ASXL1: variants seen among roughly 807,000 people sequenced by gnomAD.
ASXL1 encodes polycomb group protein ASXL1.
A neutral mutation model predicts 89.1 loss-of-function variants in ASXL1; 65 were observed. The observed-to-expected ratio is 0.73, with a 90% CI of 0.60 to 0.90. ASXL1 has a LOEUF of 0.90. ASXL1 is among the 40% of genes least tolerant of loss of function. ASXL1 has a pLI of 0.00. For synonymous variants in ASXL1, 739 were observed against 746.9 expected (o/e 0.99, Z 0.17); for missense variants, 1,786 against 1,942.9 (o/e 0.92, Z 1.52).
intron 4 of ASXL1, among the ~76,000 whole-genome samples, chr20:32,383,421 C>T (rs940250786): frequency 6.6e-5 from 10 of 152,130 alleles, no homozygotes; most frequent in African/African-American, 2.2e-4. Context: ...ATTCTCCTGC[C>T]TCAGCCTCCT....
At chr20:32,421,000 A>C (rs1281712096) in intron 4 of ASXL1, among the ~76,000 whole-genome samples, 1 of 151,234 alleles carries the variant, frequency 6.6e-6, no homozygotes, top group Admixed American at 6.6e-5. Flanking sequence ...GTTCTCACTC[A>C]TAAATGGGAG....
intron 4 of ASXL1, among the ~76,000 whole-genome samples, chr20:32,391,205 T>C (rs1962348784): frequency 6.6e-6 from 1 of 152,160 alleles, no homozygotes; most frequent in Admixed American, 6.6e-5. Context: ...TTTATTTCTG[T>C]ATATTGCAGG....
chr20:32,433,953 C>G (rs760154136), intron 12 of ASXL1, 36 bp downstream of exon 12: 5 of 1,610,296 alleles, frequency 3.1e-6, no homozygotes, highest in African/African-American at 1.3e-5. Flanking sequence ...GCCCTGGAGC[C>G]AGGTTTTCTT....
intron 1 of ASXL1, chr20:32,359,437 C>G (rs1432554025): frequency 1.4e-6 from 1 of 701,246 alleles, no homozygotes; most frequent in Non-Finnish European, 2.6e-6. Context: ...GTTAGGAACG[C>G]TACTCCTAGG....
intron 4 of ASXL1, among the ~76,000 whole-genome samples, chr20:32,423,432 T>G (rs906885802): frequency 6.6e-6 from 1 of 151,164 alleles, no homozygotes; most frequent in Non-Finnish European, 1.5e-5. Flanking sequence ...GTAGGGGGGG[T>G]TTCATCATGT....
intron 4 of ASXL1, among the ~76,000 whole-genome samples, chr20:32,407,163 G>A (rs191894222): frequency 6.6e-6 from 1 of 152,182 alleles, no homozygotes; most frequent in African/African-American, 2.4e-5. Context: ...TCAACATGGT[G>A]AAACCCCATC....
In ASXL1 at chr20:32,432,869, T is replaced by C. The variant is rs1388841204; in HGVS notation, c.980-11T>C. On this transcript the variant is annotated splice_polypyrimidine_tract_variant and intron_variant, in intron 10 of 12. Transcript: ENST00000375687. ...GAATGCACTTACTAGAAGAGGTTTA[T>C]TTCTCCCTAGGTGAATTTACTCATG... The C allele has an allele frequency of 8.7e-6, 14 of 1,613,496 alleles. No individual in the cohort carries two copies. The highest frequency in any genetic ancestry group is 1.2e-5 in the Non-Finnish European group (14 of 1,179,876).
At chr20:32,367,668 T>TA in intron 2 of ASXL1, 59 bp from the exon 3 acceptor site, 1 of 779,966 alleles carries the variant, frequency 1.3e-6, no homozygotes, top group South Asian at 1.3e-5. Flanking sequence ...TTTTTGTTTT[T>TA]ATGGGCTATT....
At chr20:32,388,055 C>G (rs1193390117) in intron 4 of ASXL1, among the ~76,000 whole-genome samples, 1 of 152,224 alleles carries the variant, frequency 6.6e-6, no homozygotes, top group African/African-American at 2.4e-5. Context: ...TTTTATCACT[C>G]TCTCTGCCAC....
intron 4 of ASXL1, chr20:32,427,768 A>G (rs1041057255): frequency 8.4e-6 from 3 of 355,228 alleles, no homozygotes; most frequent in South Asian, 4.4e-5. Context: ...ATGTTCACCT[A>G]TGTACTGTAC....
chr20:32,415,614 C>T (rs943807976), intron 4 of ASXL1, among the ~76,000 whole-genome samples: 2 of 152,168 alleles, frequency 1.3e-5, no homozygotes, highest in East Asian at 1.9e-4. Context: ...CTGCGTGCTC[C>T]GGGCTTTTGA....
rs1600525633 is a variant in ASXL1, at chr20:32,399,745, C to CTATTTTTTTT, written c.253-28382_253-28381insATTTTTTTTT. On this transcript the variant is annotated intron_variant, in intron 4 of 12. Coordinates refer to ENST00000375687, the MANE Select transcript of ASXL1 (RefSeq NM_015338.6). The stretch of plus-strand genomic sequence containing the variant: ...ATTTTTAAAAATCTCACATATTTTA[C>CTATTTTTTTT]TCTTTTTTTTTTTTTTTTTTTTTTT... Among the ~76,000 whole-genome samples, 20 of 66,584 alleles carry CTATTTTTTTT rather than the reference C, an allele frequency of 3.0e-4. 2 individuals carry two copies. The highest frequency in any genetic ancestry group is 1.7e-3 in the East Asian group (3 of 1,774). 43.7% of individuals were successfully genotyped at this position (66,584 alleles called of 152,430 possible). A position where few individuals can be genotyped will look rare whatever the true frequency, so the allele number is the denominator to read the frequency against.
chr20:32,417,629 C>T (rs1340686925), intron 4 of ASXL1, among the ~76,000 whole-genome samples: 2 of 152,086 alleles, frequency 1.3e-5, no homozygotes, highest in African/African-American at 4.8e-5. Context: ...ATTAAAACAT[C>T]ATTAATGGAC....
intron 4 of ASXL1, among the ~76,000 whole-genome samples, chr20:32,411,215 C>CTTTTTTTTTTTTT: frequency 1.9e-5 from 1 of 53,394 alleles, no homozygotes; most frequent in Non-Finnish European, 3.2e-5. Context: ...TTTATGGATT[C>CTTTTTTTTTTTTT]TTTTTTTTTT....
Position 32,436,291 on chromosome 20 carries a change from C to T in ASXL1, c.3579C>T (p.Ala1193=), listed in dbSNP as rs2145383946. The T allele has an allele frequency of 1.2e-6, 2 of 1,614,204 alleles. No individual in the cohort carries two copies. Among genetic ancestry groups the T allele is most frequent in the Non-Finnish European group, 1.7e-6 (2 of 1,180,032 alleles). The change falls in exon 13 of 13, where the codon GCC becomes GCT. Residue 1193 remains alanine (A), a synonymous_variant. Transcript: ENST00000375687. ...GCACTGGTCTTGCCAGGATTGAGGC[C>T]ACCCAGGCTCCTGGAGCACCCCAAA... ...ETGTGLARIE[A]TQAPGAPQKN... is the part of the protein sequence containing the mutation.
In ASXL1 at chr20:32,367,641, G is replaced by A. The variant is rs2048228713; in HGVS notation, c.141-86G>A. Reference sequence around the variant, plus strand: ...GACTTGTACTTATCCACTGTGTAGTGTTATAATTGTGCTTTATTTTTGTTT... The same window carrying A: ...GACTTGTACTTATCCACTGTGTAGTATTATAATTGTGCTTTATTTTTGTTT... On this transcript the variant is annotated intron_variant, in intron 2 of 12. Coordinates refer to ENST00000375687, the MANE Select transcript of ASXL1 (RefSeq NM_015338.6). 7 of 775,972 alleles carry A rather than the reference G, an allele frequency of 9.0e-6. No homozygotes were observed. The East Asian group carries it at 1.5e-4, about 16-fold the overall frequency. The allele number at this position is 775,972 out of a possible 1,614,324, so 48.1% of individuals were successfully genotyped here.
At chr20:32,402,974 A>G (rs2048900078) in intron 4 of ASXL1, among the ~76,000 whole-genome samples, 3 of 152,238 alleles carry the variant, frequency 2.0e-5, no homozygotes, top group Admixed American at 1.3e-4. Context: ...TTTTGGTGTC[A>G]TATCTAAGCA....
intron 4 of ASXL1, among the ~76,000 whole-genome samples, chr20:32,388,363 A>C (rs758555914): frequency 2.6e-5 from 4 of 152,122 alleles, no homozygotes; most frequent in African/African-American, 9.6e-5. Context: ...TTTAGTAGAG[A>C]TGGAGTTTCA....
rs1021421362 is a variant in ASXL1 at position 32,438,605 on chromosome 20, A to G, written c.*1267A>G. 4.3e-6 allele frequency: 1 copy of G among 233,478 alleles called. No homozygotes were observed. The highest frequency in any genetic ancestry group is 8.5e-6 in the Non-Finnish European group (1 of 117,974). 14.5% of individuals were successfully genotyped at this position (233,478 alleles called of 1,614,324 possible). A position where few individuals can be genotyped will look rare whatever the true frequency, so the allele number is the denominator to read the frequency against. ...TCTTGCTTTTCACATCTCTCCTCCT[A>G]CAGCCTTAATGGCTGCTTGCTGCCA... On this transcript the variant is annotated 3_prime_UTR_variant, in exon 13 of 13. Transcript: ENST00000375687.
Sources: gnomAD v4.1 joint callset for allele counts (sites outside exome capture counted in the v4.1 genomes callset) on GRCh38, gnomAD v4.1.1 for gene constraint, MANE v1.5 for transcripts, NCBI Gene and HGNC (gene_info 2026-07-23, HGNC 2026-07-21) for gene names.